The following ARHGAP4 variants were observed in gnomAD, a reference collection of about 807,000 sequenced individuals.
The protein encoded by ARHGAP4 is Rho GTPase activating protein 4.
ARHGAP4 carries 25 observed loss-of-function variants against 67.6 expected under a neutral mutation model. That is an observed-to-expected ratio of 0.37 (90% CI 0.27 to 0.52). The LOEUF (loss-of-function observed/expected upper bound fraction) is 0.52, where lower values mean the gene tolerates loss of function less well. Among genes scored for constraint, ARHGAP4 ranks in the 20% least tolerant of loss-of-function variants. The pLI, the probability that ARHGAP4 is intolerant of heterozygous loss-of-function variation, is 0.92. For synonymous variants in ARHGAP4, 448 were observed against 373.7 expected (o/e 1.20, Z -2.29); for missense variants, 804 against 854.6 (o/e 0.94, Z 0.74).
At chrX:153,925,334 A>G (rs1557105961) in intron 1 of ARHGAP4, among the ~76,000 whole-genome samples, 1 of 112,215 alleles carries the variant, frequency 8.9e-6, no homozygotes, top group East Asian at 2.8e-4. Context: ...GCAGTGCTGT[A>G]TGACCACGGG....
intron 1 of ARHGAP4, chrX:153,922,376 G>A (rs1674706848): frequency 9.3e-6 from 7 of 756,709 alleles, no homozygotes; most frequent in Non-Finnish European, 1.1e-5. Flanking sequence ...TGGGAGCCAG[G>A]GAGAGCTGAT....
chrX:153,913,747 C>T (rs1557103836), intron 8 of ARHGAP4, 31 bp downstream of exon 8: 3 of 1,200,415 alleles, frequency 2.5e-6, no homozygotes, highest in South Asian at 3.5e-5. Context: ...AGGCCCTCGT[C>T]TCCCTCTAAC....
In ARHGAP4 at chrX:153,909,461, G is replaced by C. The variant is rs782371290; in HGVS notation, c.2489C>G (p.Ala830Gly). 5.2e-5 allele frequency: 63 copies of C among 1,203,773 alleles called. No individual in the cohort carries two copies. Among genetic ancestry groups the C allele is most frequent in the Non-Finnish European group, 7.0e-5 (62 of 891,939 alleles). The change falls in exon 20 of 22, where the codon GCA becomes GGA. Residue 830 changes from alanine (A) to glycine (G), a missense_variant. Physicochemically the swap from Ala to Gly is moderately conservative, Grantham distance 60 (BLOSUM62 0). Transcript: ENST00000350060. ...TGCTCACCGGTGGACCAGCTCCGAT[G>C]CCAGGAGGCCCTCGGGACTGCTCCC... ...ESGSSPEGLL[A>G]SELVHRPEPC...
chrX:153,922,567 G>C (rs2065103258), intron 1 of ARHGAP4: 1 of 324,453 alleles, frequency 3.1e-6, no homozygotes, highest in Non-Finnish European at 4.0e-6. Context: ...TGGCAACGCT[G>C]CTTCCCCCAC....
At chrX:153,924,289 A>G (rs2065113758) in intron 1 of ARHGAP4, among the ~76,000 whole-genome samples, 1 of 111,498 alleles carries the variant, frequency 9.0e-6, no homozygotes, top group South Asian at 3.7e-4. Flanking sequence ...GCAAAAGCTG[A>G]CTGGAAGCCA....
intron 1 of ARHGAP4, among the ~76,000 whole-genome samples, chrX:153,925,839 C>G (rs139061875): frequency 8.8e-6 from 1 of 113,159 alleles, no homozygotes; most frequent in Admixed American, 9.3e-5. Flanking sequence ...GCATCTGGCT[C>G]TCTTTTACCA....
intron 17 of ARHGAP4, 34 bp downstream of exon 17, chrX:153,910,137 C>T (rs781949011): frequency 2.5e-6 from 3 of 1,207,497 alleles, no homozygotes; most frequent in East Asian, 3.0e-5. Context: ...CTCCAGTGGA[C>T]CCCCCAGTCC....
At position 153,921,588 on chromosome X, in the gene ARHGAP4, G is replaced by A. The variant is rs782016462; in HGVS notation, c.272+17C>T. 8.3e-7 allele frequency: 1 copy of A among 1,206,232 alleles called. No homozygotes were observed. Among genetic ancestry groups the A allele is most frequent in the Admixed American group, 2.2e-5 (1 of 45,781 alleles). On this transcript the variant is annotated intron_variant, in intron 2 of 21. Transcript: ENST00000350060. ...GCTTGGGCCCTGCCGTGGCCCCCCT[G>A]CCAGCACATCACCTACCGGAAGCTT...
rs2065125593 is a variant in ARHGAP4 at position 153,926,012 on chromosome X, C to T, written c.67+124G>A. 6 of 998,828 alleles carry T rather than the reference C, an allele frequency of 6.0e-6. No individual in the cohort carries two copies. In the Admixed American group the frequency reaches 9.3e-5, roughly 15 times the overall value. 82.3% of individuals were successfully genotyped at this position (998,828 alleles called of 1,213,427 possible). The stretch of plus-strand genomic sequence containing the variant: ...CAAGGGGCTCAGGCTCCCTCCTCCA[C>T]CCCCGCTCCAGAGGTCGCTGGGGAG... On this transcript the variant is annotated intron_variant, in intron 1 of 21. Transcript: ENST00000350060.
rs200072248 is a variant in ARHGAP4, at chrX:153,926,126, G to A, written c.67+10C>T. On this transcript the variant is annotated intron_variant, in intron 1 of 21. Coordinates refer to ENST00000350060, the MANE Select transcript of ARHGAP4 (RefSeq NM_001666.5). ...AGGAAACGGGCCGGGAGCGCCCGGC[G>A]CCCTCTCACCTTTGACTTGCGTCTC... is the stretch of plus-strand genomic sequence containing the variant. 1.1e-4 allele frequency: 137 copies of A among 1,202,333 alleles called. 1 individual carries two copies. The African/African-American group carries it at 2.2e-3, about 20-fold the overall frequency.
intron 11 of ARHGAP4, 72 bp downstream of exon 11, chrX:153,912,952 A>G: frequency 1.7e-6 from 2 of 1,157,234 alleles, no homozygotes; most frequent in Middle Eastern, 2.4e-4. Flanking sequence ...GGGATTGGGC[A>G]GCTGAGCTGG....
chrX:153,917,302 C>T (rs782647104), intron 7 of ARHGAP4, among the ~76,000 whole-genome samples: 28 of 111,133 alleles, frequency 2.5e-4, no homozygotes, highest in Non-Finnish European at 4.4e-4. Flanking sequence ...TCCAGCTACT[C>T]GGGAGGCTGA....
intron 12 of ARHGAP4, among the ~76,000 whole-genome samples, chrX:153,911,944 C>CA (rs782633539): frequency 9.1e-6 from 1 of 110,110 alleles, no homozygotes; most frequent in Non-Finnish European, 1.9e-5. Flanking sequence ...GAAAGAAACT[C>CA]AAAGTGCTCG....
intron 20 of ARHGAP4, 97 bp from the exon 21 acceptor site, chrX:153,909,266 A>T: frequency 1.1e-6 from 1 of 913,543 alleles, no homozygotes. Context: ...CAAGGAAAGG[A>T]GGCTGGCCCA....
rs782363174 is a variant in ARHGAP4, at chrX:153,920,851, G to A, written c.499-43C>T. 2.5e-5 allele frequency: 30 copies of A among 1,198,037 alleles called. No individual in the cohort carries two copies. In the Middle Eastern group the frequency reaches 6.9e-4, roughly 28 times the overall value. ...GCAAGGTGGTGCTGGTGAAGGCCAC[G>A]GCTGGGCCAGCCCCCAGCCCTCTAC... is the stretch of plus-strand genomic sequence containing the variant. On this transcript the variant is annotated intron_variant, in intron 4 of 21. Coordinates refer to ENST00000350060, the MANE Select transcript of ARHGAP4 (RefSeq NM_001666.5).
At chrX:153,919,081 G>A (rs1557104693) in intron 6 of ARHGAP4, 28 bp from the exon 7 acceptor site, 1 of 1,209,603 alleles carries the variant, frequency 8.3e-7, no homozygotes, top group Non-Finnish European at 1.1e-6. Context: ...AGATGCTTGG[G>A]TAGGTCCTGG....
chrX:153,908,958 A>C (rs2064994023), intron 21 of ARHGAP4, 112 bp downstream of exon 21: 3 of 792,690 alleles, frequency 3.8e-6, no homozygotes. Context: ...CCTTGAGCTA[A>C]GGCCAGGGAG....
Position 153,909,899 on chromosome X carries a change from C to A in ARHGAP4, c.2256G>T (p.Val752=). ...TGCGGCCCGTGTAGGCAAAGCAGGCCACAGCCTCCACGACCCCCTCCAGGT... is the reference window on the plus strand; with the variant it reads ...TGCGGCCCGTGTAGGCAAAGCAGGCAACAGCCTCCACGACCCCCTCCAGGT... The part of the protein sequence containing the change: ...EDDLEGVVEA[V]ACFAYTGRTA... The change falls in exon 19 of 22, where the codon GTG becomes GTT. Residue 752 remains valine (V), a synonymous_variant. Transcript: ENST00000350060. 8.3e-7 allele frequency: 1 copy of A among 1,204,782 alleles called. No individual in the cohort carries two copies. The highest frequency in any genetic ancestry group is 1.1e-6 in the Non-Finnish European group (1 of 892,600).
At chrX:153,910,146 C>T in intron 17 of ARHGAP4, 25 bp downstream of exon 17, 3 of 1,210,197 alleles carry the variant, frequency 2.5e-6, no homozygotes, top group Non-Finnish European at 3.4e-6. Flanking sequence ...ACCCCCCAGT[C>T]CCCTCGGCAG....
Sources: allele counts gnomAD v4.1 joint callset (sites outside exome capture counted in the v4.1 genomes callset), GRCh38; gene constraint gnomAD v4.1.1; transcripts MANE v1.5; gene names NCBI Gene and HGNC (gene_info 2026-07-23, HGNC 2026-07-21).